The following EDA variants were observed in gnomAD, a reference collection of about 807,000 sequenced individuals.
The protein encoded by EDA is ectodysplasin A.
Under a neutral mutation model 23.6 loss-of-function variants are expected in EDA, and 2 were observed. The ratio of observed to expected loss-of-function variants is 0.08; its 90% CI spans 0.03 to 0.27. The LOEUF (loss-of-function observed/expected upper bound fraction) is 0.27. Among genes scored for constraint, EDA ranks in the 10% least tolerant of loss-of-function variants. The pLI is 1.00. For missense variants in EDA, 229 were observed against 324.2 expected (o/e 0.71, Z 2.26); for synonymous variants, 131 against 132.0 (o/e 0.99, Z 0.05).
chrX:69,782,366 T>TAAAA (rs751293381), intron 1 of EDA, among the ~76,000 whole-genome samples: 6 of 65,481 alleles, frequency 9.2e-5, no homozygotes, highest in African/African-American at 3.8e-4. Flanking sequence ...TAAATGCTCT[T>TAAAA]AAAAAAAAAA....
intron 1 of EDA, among the ~76,000 whole-genome samples, chrX:69,699,805 C>T (rs1442333394): frequency 3.6e-5 from 4 of 110,406 alleles, no homozygotes; most frequent in Non-Finnish European, 7.6e-5. Flanking sequence ...GGGTAATAGT[C>T]TGCGCAGGGT....
chrX:69,776,620 G>A (rs976276959), intron 1 of EDA, among the ~76,000 whole-genome samples: 1 of 110,727 alleles, frequency 9.0e-6, no homozygotes, highest in Non-Finnish European at 1.9e-5. Flanking sequence ...CATGAGAACA[G>A]AGTAATACAA....
intron 1 of EDA, among the ~76,000 whole-genome samples, chrX:69,919,555 C>A (rs1454441575): frequency 1.8e-5 from 2 of 111,725 alleles, no homozygotes; most frequent in Non-Finnish European, 3.8e-5. Flanking sequence ...CAGCCTAGTG[C>A]ACCGGTCTAT....
At chrX:69,679,581 C>A (rs1460389041) in intron 1 of EDA, among the ~76,000 whole-genome samples, 1 of 111,876 alleles carries the variant, frequency 8.9e-6, no homozygotes, top group Non-Finnish European at 1.9e-5. Flanking sequence ...TTATCCATTT[C>A]TTCTAGATTT....
chrX:69,936,570 G>T (rs1434390705), intron 1 of EDA, among the ~76,000 whole-genome samples: 1 of 111,853 alleles, frequency 8.9e-6, no homozygotes, highest in Non-Finnish European at 1.9e-5. Flanking sequence ...GCTACATTCT[G>T]TGGGTCAAAA....
rs771452815 is a variant in EDA, at chrX:69,712,643, G to T, written c.396+95939G>T. On this transcript the variant is annotated intron_variant, in intron 1 of 7. Transcript: ENST00000374552. ...GTAAACTAGTTCAACCATTGTGGAAGTCAGTGTGGTGATTCCTCAGGGATC... is the reference window on the plus strand; with the variant it reads ...GTAAACTAGTTCAACCATTGTGGAATTCAGTGTGGTGATTCCTCAGGGATC... Among the ~76,000 whole-genome samples, 151 of 111,574 alleles carry T rather than the reference G, an allele frequency of 1.4e-3. 1 individual carries two copies. Among genetic ancestry groups the T allele is most frequent in the South Asian group, 7.6e-3 (20 of 2,637 alleles).
chrX:69,653,431 T>C (rs5936715), intron 1 of EDA, among the ~76,000 whole-genome samples: 6,701 of 110,976 alleles, frequency 0.06, 206 homozygotes, highest in Middle Eastern at 0.097. Flanking sequence ...ACAGGGACAA[T>C]TTGACTTCCT....
chrX:69,952,349 G>C (rs2018939562), intron 1 of EDA, among the ~76,000 whole-genome samples: 1 of 112,002 alleles, frequency 8.9e-6, no homozygotes, highest in Non-Finnish European at 1.9e-5. Flanking sequence ...AGGCAAGGAA[G>C]AGCAAGTCAC....
intron 1 of EDA, among the ~76,000 whole-genome samples, chrX:69,674,964 T>TC (rs1934029438): frequency 9.0e-6 from 1 of 111,716 alleles, no homozygotes; most frequent in South Asian, 3.8e-4. Flanking sequence ...TCCTGTCCCC[T>TC]CCAACACTAT....
rs941471335 is a variant in EDA at position 70,038,222 on chromosome X, CA to C, written c.*2614del. The C allele has an allele frequency of 4.5e-5, 5 of 110,414 alleles. No homozygotes were observed. Among genetic ancestry groups the C allele is most frequent in the Non-Finnish European group, 9.5e-5 (5 of 52,905 alleles). The allele number at this position is 110,414 out of a possible 1,213,427, so 9.1% of individuals were successfully genotyped here. ...TCCTGATACCATTCTATTCTCCAGA[CA>C]TGGAGGGGATGATAAAGGAAATAGG... On this transcript the variant is annotated 3_prime_UTR_variant, in exon 8 of 8. Transcript: ENST00000374552.
At chrX:70,032,184 G>A (rs1015143848) in intron 6 of EDA, among the ~76,000 whole-genome samples, 23 of 110,026 alleles carry the variant, frequency 2.1e-4, no homozygotes, top group African/African-American at 7.3e-4. Flanking sequence ...ACTTGAACCC[G>A]GGAGGTGGAG....
chrX:69,677,350 G>A, intron 1 of EDA, among the ~76,000 whole-genome samples: 1 of 110,775 alleles, frequency 9.0e-6, no homozygotes, highest in Non-Finnish European at 1.9e-5. Context: ...ACCCAGTAAT[G>A]GGATGGCTGG....
intron 1 of EDA, among the ~76,000 whole-genome samples, chrX:69,655,256 A>T (rs1437658602): frequency 1.8e-5 from 2 of 111,166 alleles, no homozygotes; most frequent in Non-Finnish European, 3.8e-5. Flanking sequence ...TTAGCCTGGC[A>T]TGTGGTGCAT....
At chrX:69,852,189 G>T (rs1415050626) in intron 1 of EDA, among the ~76,000 whole-genome samples, 1 of 111,640 alleles carries the variant, frequency 9.0e-6, no homozygotes, top group African/African-American at 3.3e-5. Flanking sequence ...GAGTGCAATG[G>T]CACAATCTCA....
chrX:69,673,284 G>A (rs1933965438), intron 1 of EDA, among the ~76,000 whole-genome samples: 1 of 111,605 alleles, frequency 9.0e-6, no homozygotes, highest in Non-Finnish European at 1.9e-5. Flanking sequence ...TAGAGGTCTT[G>A]ATGACCTGAA....
At position 70,036,144 on chromosome X, in the gene EDA, A is replaced by G. The variant is rs1441683011; in HGVS notation, c.*535A>G. ...CCATAAGAGAAACCTGCCAAGGAGC[A>G]TCCTTGGCAGTGGGAATGTTCTTTC... On this transcript the variant is annotated 3_prime_UTR_variant, in exon 8 of 8. Transcript: ENST00000374552. The G allele has an allele frequency of 8.4e-6, 1 of 119,308 alleles. No homozygotes were observed. Among genetic ancestry groups the G allele is most frequent in the African/African-American group, 3.3e-5 (1 of 30,652 alleles). The allele number at this position is 119,308 out of a possible 1,213,427, so 9.8% of individuals were successfully genotyped here.
chrX:69,688,450 G>A (rs1490618839), intron 1 of EDA, among the ~76,000 whole-genome samples: 1 of 111,274 alleles, frequency 9.0e-6, no homozygotes, highest in African/African-American at 3.3e-5. Context: ...GCCCAGGCTG[G>A]AGTGCAATGG....
chrX:69,915,854 G>A (rs2018334504), intron 1 of EDA, among the ~76,000 whole-genome samples: 1 of 111,290 alleles, frequency 9.0e-6, no homozygotes, highest in African/African-American at 3.3e-5. Flanking sequence ...ACCTGTCTGG[G>A]GCGGGAGAGG....
At chrX:69,645,604 A>ATACATATATATGTGTG (rs1932908096) in intron 1 of EDA, among the ~76,000 whole-genome samples, 1 of 38,559 alleles carries the variant, frequency 2.6e-5, no homozygotes, top group African/African-American at 1.6e-4. Flanking sequence ...GTGTGTGTGT[A>ATACATATATATGTGTG]TATATATATA....
Sources: gnomAD v4.1 joint callset for allele counts (sites outside exome capture counted in the v4.1 genomes callset) on GRCh38, gnomAD v4.1.1 for gene constraint, MANE v1.5 for transcripts, NCBI Gene and HGNC (gene_info 2026-07-23, HGNC 2026-07-21) for gene names.